The following FSTL5 variants were observed in gnomAD, a reference collection of about 807,000 sequenced individuals.
The protein encoded by FSTL5 is follistatin like 5.
A neutral mutation model predicts 89.1 loss-of-function variants in FSTL5; 62 were observed. The ratio of observed to expected loss-of-function variants is 0.70; its 90% CI spans 0.57 to 0.86. The LOEUF (loss-of-function observed/expected upper bound fraction) is 0.86, where lower values mean the gene tolerates loss of function less well. Ranked by LOEUF, FSTL5 falls within the 40% of genes least tolerant of loss-of-function variation. The pLI is 0.00. For synonymous variants in FSTL5, 383 were observed against 346.2 expected, an observed-to-expected ratio of 1.11 and a Z score of -1.18; for missense variants, 1,057 against 1,001.6, an observed-to-expected ratio of 1.06 and a Z score of -0.75.
intron 7 of FSTL5, among the ~76,000 whole-genome samples, chr4:161,647,023 T>G (rs1332819798): frequency 2.0e-5 from 3 of 152,174 alleles, no homozygotes; most frequent in Non-Finnish European, 4.4e-5. Flanking sequence ...CATTTACCTA[T>G]TTTTGTTTTT....
chr4:161,689,180 C>G (rs945882188), intron 6 of FSTL5, among the ~76,000 whole-genome samples: 3 of 152,128 alleles, frequency 2.0e-5, no homozygotes, highest in Non-Finnish European at 4.4e-5. Flanking sequence ...GCCCTCTTCA[C>G]TTTCCTGGGA....
At chr4:161,411,402 C>T (rs1731585446) in intron 15 of FSTL5, among the ~76,000 whole-genome samples, 1 of 151,574 alleles carries the variant, frequency 6.6e-6, no homozygotes, top group Admixed American at 6.6e-5. Flanking sequence ...AACTTAAGAC[C>T]AATATCCCTG....
intron 8 of FSTL5, among the ~76,000 whole-genome samples, chr4:161,552,111 A>G (rs1732237626): frequency 6.6e-6 from 1 of 151,948 alleles, no homozygotes; most frequent in Admixed American, 6.6e-5. Flanking sequence ...TTTTAAAGTG[A>G]TATGTTAATG....
chr4:162,101,211 A>T (rs78043244), intron 2 of FSTL5, among the ~76,000 whole-genome samples: 7,158 of 152,288 alleles, frequency 0.047, 371 homozygotes, highest in East Asian at 0.27. Flanking sequence ...TCCCTGAAGA[A>T]CTATCCCTCT....
chr4:161,958,206 C>A (rs1240073355), intron 3 of FSTL5, among the ~76,000 whole-genome samples: 1 of 151,880 alleles, frequency 6.6e-6, no homozygotes, highest in Non-Finnish European at 1.5e-5. Flanking sequence ...TTCTATATTT[C>A]TAATTAATAT....
chr4:161,831,108 G>A (rs538135616), intron 4 of FSTL5, among the ~76,000 whole-genome samples: 269 of 151,726 alleles, frequency 1.8e-3, no homozygotes, highest in African/African-American at 5.6e-3. Flanking sequence ...CTGCTCTTGC[G>A]GTGAGAGTGG....
At chr4:162,039,172 C>A (rs1368202927) in intron 2 of FSTL5, among the ~76,000 whole-genome samples, 3 of 151,488 alleles carry the variant, frequency 2.0e-5, no homozygotes, top group Non-Finnish European at 3.0e-5. Context: ...CTCTGAGAGA[C>A]TATACATAGT....
chr4:161,950,650 T>C lies in FSTL5; in HGVS notation c.161-29998A>G, dbSNP rs541361032. 9.6e-3 allele frequency among the ~76,000 whole-genome samples: 1,456 copies of C among 152,264 alleles called. 18 individuals are homozygous for C. Among genetic ancestry groups the C allele is most frequent in the African/African-American group, 0.033 (1,358 of 41,552 alleles). On this transcript the variant is annotated intron_variant, in intron 3 of 15. Coordinates refer to ENST00000306100, the MANE Select transcript of FSTL5 (RefSeq NM_020116.5). ...TCAGTGTTCTGAAACCACAGCTTACTGAAGGCACAGAATGCCTCAGTTTGG... is the reference window on the plus strand; with the variant it reads ...TCAGTGTTCTGAAACCACAGCTTACCGAAGGCACAGAATGCCTCAGTTTGG...
At chr4:162,103,678 G>C (rs1731090932) in intron 2 of FSTL5, among the ~76,000 whole-genome samples, 1 of 152,144 alleles carries the variant, frequency 6.6e-6, no homozygotes, top group East Asian at 1.9e-4. Context: ...TTAGAACAAA[G>C]GAAATGACCA....
intron 3 of FSTL5, among the ~76,000 whole-genome samples, chr4:161,966,196 G>C (rs1735322813): frequency 6.6e-6 from 1 of 152,074 alleles, no homozygotes; most frequent in South Asian, 2.1e-4. Flanking sequence ...GCAAGTAAGT[G>C]AGGTTGTGGA....
At chr4:161,506,591 C>T (rs1730490544) in intron 11 of FSTL5, among the ~76,000 whole-genome samples, 1 of 151,962 alleles carries the variant, frequency 6.6e-6, no homozygotes, top group African/African-American at 2.4e-5. Context: ...AATAGTTATA[C>T]CAGAGGTTTT....
intron 10 of FSTL5, among the ~76,000 whole-genome samples, chr4:161,526,267 C>A (rs1731216114): frequency 6.6e-6 from 1 of 152,054 alleles, no homozygotes; most frequent in Admixed American, 6.6e-5. Context: ...TTTACAAACA[C>A]AATTTGACCT....
intron 4 of FSTL5, among the ~76,000 whole-genome samples, chr4:161,833,784 G>T (rs1472859392): frequency 4.0e-5 from 6 of 151,376 alleles, no homozygotes; most frequent in South Asian, 2.1e-4. Context: ...TCTCTGCATG[G>T]GAGATGGGTT....
rs569899350 is a variant in FSTL5, at chr4:161,538,850, G to C, written c.1178-550C>G. Reference sequence around the variant, plus strand: ...ACGATCTCAGCTCACTGTAACCTCCGCCTCCCGGGTTCAAGCAATTCTCCT... The same window carrying C: ...ACGATCTCAGCTCACTGTAACCTCCCCCTCCCGGGTTCAAGCAATTCTCCT... On this transcript the variant is annotated intron_variant, in intron 9 of 15. Transcript: ENST00000306100. Among the ~76,000 whole-genome samples the C allele has an allele frequency of 2.0e-3, 310 of 152,000 alleles. 2 individuals carry two copies. Among genetic ancestry groups the C allele is most frequent in the African/African-American group, 7.2e-3 (299 of 41,476 alleles).
intron 7 of FSTL5, among the ~76,000 whole-genome samples, chr4:161,588,113 G>T (rs1733680834): frequency 6.6e-6 from 1 of 152,148 alleles, no homozygotes; most frequent in African/African-American, 2.4e-5. Context: ...GGCAGGGGTT[G>T]CAGTGACTTG....
chr4:161,727,488 A>G (rs1739462514), intron 6 of FSTL5, among the ~76,000 whole-genome samples: 1 of 152,176 alleles, frequency 6.6e-6, no homozygotes, highest in Non-Finnish European at 1.5e-5. Flanking sequence ...AATAGAGTGA[A>G]GCTGGTCAAT....
intron 2 of FSTL5, among the ~76,000 whole-genome samples, chr4:162,074,499 A>G (rs1047534498): frequency 1.3e-5 from 2 of 151,840 alleles, no homozygotes; most frequent in Non-Finnish European, 2.9e-5. Flanking sequence ...ACATTAATAC[A>G]TCATTATCAA....
intron 8 of FSTL5, among the ~76,000 whole-genome samples, chr4:161,562,451 T>C (rs1412984498): frequency 6.6e-6 from 1 of 152,030 alleles, no homozygotes; most frequent in Non-Finnish European, 1.5e-5. Flanking sequence ...TTGAAATTTA[T>C]CAACATAGTA....
At chr4:162,023,524 G>C (rs951396091) in intron 3 of FSTL5, among the ~76,000 whole-genome samples, 1 of 152,012 alleles carries the variant, frequency 6.6e-6, no homozygotes, top group Non-Finnish European at 1.5e-5. Flanking sequence ...CTTACCAAAA[G>C]AACAAAGTAT....
Sources: allele counts gnomAD v4.1 joint callset (sites outside exome capture counted in the v4.1 genomes callset), GRCh38; gene constraint gnomAD v4.1.1; transcripts MANE v1.5; gene names NCBI Gene and HGNC (gene_info 2026-07-23, HGNC 2026-07-21).